The following CDH13 variants were observed in gnomAD, a reference collection of about 807,000 sequenced individuals.
CDH13 encodes cadherin-13.
CDH13 carries 24 observed loss-of-function variants against 63.8 expected under a neutral mutation model. That is an observed-to-expected ratio of 0.38 (90% CI 0.27 to 0.53). The LOEUF is 0.53. Among genes scored for constraint, CDH13 ranks in the 20% least tolerant of loss-of-function variants. CDH13 has a pLI of 0.85. For missense variants in CDH13, 1,049 were observed against 903.1 expected (o/e 1.16, Z -2.07); for synonymous variants, 503 against 355.3 (o/e 1.42, Z -4.67).
intron 3 of CDH13, among the ~76,000 whole-genome samples, chr16:83,056,747 A>G (rs1180200032): frequency 1.3e-5 from 2 of 152,108 alleles, no homozygotes; most frequent in Non-Finnish European, 2.9e-5. Context: ...AGTGGCAGGT[A>G]ATTGAATCAC....
At chr16:83,415,842 A>G (rs1314207983) in intron 6 of CDH13, among the ~76,000 whole-genome samples, 4 of 152,198 alleles carry the variant, frequency 2.6e-5, no homozygotes, top group Non-Finnish European at 5.9e-5. Context: ...AAGATCAGAA[A>G]CAAGATAGGG....
intron 6 of CDH13, among the ~76,000 whole-genome samples, chr16:83,403,614 C>T (rs886378457): frequency 1.6e-4 from 24 of 151,768 alleles, no homozygotes; most frequent in Admixed American, 1.6e-3. Flanking sequence ...CAGAGCGAGA[C>T]TCCGTCTCAA....
At chr16:83,541,371 G>C (rs993478568) in intron 7 of CDH13, among the ~76,000 whole-genome samples, 7 of 152,158 alleles carry the variant, frequency 4.6e-5, no homozygotes, top group African/African-American at 1.7e-4. Flanking sequence ...CATGTCTTCA[G>C]TCCCTCACAT....
chr16:82,743,020 A>C (rs907101086), intron 1 of CDH13, among the ~76,000 whole-genome samples: 2 of 152,254 alleles, frequency 1.3e-5, no homozygotes, highest in Non-Finnish European at 2.9e-5. Flanking sequence ...AATAATTTTT[A>C]TTATAAAATA....
chr16:82,747,400 A>T (rs2034224943), intron 1 of CDH13, among the ~76,000 whole-genome samples: 1 of 152,182 alleles, frequency 6.6e-6, no homozygotes, highest in African/African-American at 2.4e-5. Context: ...CTTTCTTCTC[A>T]TATAGTTTTT....
At chr16:82,816,668 G>C (rs993242037) in intron 1 of CDH13, among the ~76,000 whole-genome samples, 2 of 151,690 alleles carry the variant, frequency 1.3e-5, no homozygotes, top group Non-Finnish European at 2.9e-5. Flanking sequence ...CATGGAGTGA[G>C]GGGGAGATAA....
At chr16:82,973,745 T>A (rs992372572) in intron 2 of CDH13, among the ~76,000 whole-genome samples, 2 of 152,320 alleles carry the variant, frequency 1.3e-5, no homozygotes, top group East Asian at 3.9e-4. Flanking sequence ...CCCATGACAT[T>A]TCCTTTTCTA....
At position 83,661,520 on chromosome 16, in the gene CDH13, G is replaced by A. The variant is rs551209476; in HGVS notation, c.1102-9270G>A. On this transcript the variant is annotated intron_variant, in intron 8 of 13. Coordinates refer to ENST00000567109, the MANE Select transcript of CDH13 (RefSeq NM_001257.5). ...AAAAAATCTTGTTCTCAGGAACACA[G>A]TTTAAGAACCACCGTTCCACTGCAT... 1.7e-4 allele frequency among the ~76,000 whole-genome samples: 26 copies of A among 151,952 alleles called. No homozygotes were observed. In the South Asian group the frequency reaches 4.8e-3, roughly 28 times the overall value.
intron 9 of CDH13, among the ~76,000 whole-genome samples, chr16:83,674,369 C>T (rs560262184): frequency 5.9e-5 from 9 of 152,306 alleles, no homozygotes; most frequent in African/African-American, 1.9e-4. Context: ...CATCCTAATG[C>T]AGGAAACAAG....
chr16:82,996,542 G>C (rs72792148), intron 2 of CDH13, among the ~76,000 whole-genome samples: 19,217 of 152,098 alleles, frequency 0.13, 1,587 homozygotes, highest in African/African-American at 0.23. Flanking sequence ...AGAGTCAGGT[G>C]ATACATTGAA....
intron 4 of CDH13, among the ~76,000 whole-genome samples, chr16:83,153,128 T>A (rs543225217): frequency 2.6e-5 from 4 of 152,306 alleles, no homozygotes; most frequent in African/African-American, 9.6e-5. Context: ...AGTTTTATTA[T>A]TACTCCAATC....
intron 7 of CDH13, among the ~76,000 whole-genome samples, chr16:83,517,193 C>G (rs1034589902): frequency 3.3e-5 from 5 of 152,154 alleles, no homozygotes; most frequent in Admixed American, 6.6e-5. Flanking sequence ...GCAGGTCATA[C>G]TCAGCTTAGA....
intron 7 of CDH13, among the ~76,000 whole-genome samples, chr16:83,488,372 A>G (rs745384843): frequency 1.3e-4 from 20 of 152,192 alleles, no homozygotes; most frequent in Non-Finnish European, 2.6e-4. Context: ...GTTTGTTGGC[A>G]TAGAGGGAAA....
intron 5 of CDH13, among the ~76,000 whole-genome samples, chr16:83,326,414 C>T (rs1292683458): frequency 6.6e-6 from 1 of 150,994 alleles, no homozygotes; most frequent in Non-Finnish European, 1.5e-5. Context: ...CCATGGACAC[C>T]ACACTTGGTG....
At chr16:82,863,605 G>T (rs993627815) in intron 2 of CDH13, among the ~76,000 whole-genome samples, 4 of 152,100 alleles carry the variant, frequency 2.6e-5, no homozygotes, top group African/African-American at 9.7e-5. Flanking sequence ...TCAACTGATG[G>T]GAAACATGCT....
chr16:82,959,485 C>T (rs767600857), intron 2 of CDH13, among the ~76,000 whole-genome samples: 39 of 152,186 alleles, frequency 2.6e-4, no homozygotes, highest in Non-Finnish European at 4.6e-4. Flanking sequence ...ACTTTCTTCC[C>T]TCTCCCAGTT....
chr16:82,710,951 C>T (rs1445173843), intron 1 of CDH13, among the ~76,000 whole-genome samples: 3 of 149,598 alleles, frequency 2.0e-5, no homozygotes, highest in Non-Finnish European at 3.0e-5. Flanking sequence ...TTTACCCCAA[C>T]ATTAAAAAAA....
intron 7 of CDH13, among the ~76,000 whole-genome samples, chr16:83,518,460 T>TTTTTTTG (rs1239412456): frequency 3.4e-5 from 5 of 145,090 alleles, no homozygotes; most frequent in Non-Finnish European, 7.5e-5. Flanking sequence ...GTGATGGGTT[T>TTTTTTTG]TTTTTTGTTT....
intron 10 of CDH13, among the ~76,000 whole-genome samples, chr16:83,736,248 G>A (rs943743978): frequency 6.6e-6 from 1 of 152,152 alleles, no homozygotes; most frequent in African/African-American, 2.4e-5. Flanking sequence ...CATACTAAGA[G>A]TGTTCAATCC....
Sources: gnomAD v4.1 joint callset for allele counts (sites outside exome capture counted in the v4.1 genomes callset) on GRCh38, gnomAD v4.1.1 for gene constraint, MANE v1.5 for transcripts, NCBI Gene and HGNC (gene_info 2026-07-23, HGNC 2026-07-21) for gene names.